Variants in ACAP2 observed in about 807,000 individuals in gnomAD.
ACAP2 encodes ArfGAP with coiled-coil, ankyrin repeat and PH domains 2, also known as arf-GAP with coiled-coil, ANK repeat and PH domain-containing protein 2.
In ACAP2, 39 loss-of-function variants were observed where a neutral mutation model predicts 115.8. The observed-to-expected ratio is 0.34, with a 90% CI of 0.26 to 0.44. The LOEUF (loss-of-function observed/expected upper bound fraction) is 0.44. Among genes scored for constraint, ACAP2 ranks in the 20% least tolerant of loss-of-function variants. The probability of loss-of-function intolerance (pLI) is 1.00; values close to 1 mark genes in which losing one functional copy is unlikely to be tolerated. For missense variants in ACAP2, 662 were observed against 927.6 expected, an observed-to-expected ratio of 0.71 and a Z score of 3.72; for synonymous variants, 289 against 315.8, an observed-to-expected ratio of 0.92 and a Z score of 0.90.
At chr3:195,352,222 C>A (rs1008048336) in intron 4 of ACAP2, among the ~76,000 whole-genome samples, 1 of 152,050 alleles carries the variant, frequency 6.6e-6, no homozygotes, top group African/African-American at 2.4e-5. Context: ...TATAGGTTTG[C>A]AGCGTAAAAG....
intron 1 of ACAP2, among the ~76,000 whole-genome samples, chr3:195,432,784 A>C (rs1347772289): frequency 6.6e-6 from 1 of 152,222 alleles, no homozygotes; most frequent in African/African-American, 2.4e-5. Context: ...GAATATTGCC[A>C]TCTTAACAAT....
chr3:195,330,095 A>G (rs945890018), intron 8 of ACAP2, among the ~76,000 whole-genome samples: 2 of 152,234 alleles, frequency 1.3e-5, no homozygotes, highest in East Asian at 3.9e-4. Context: ...AGTATACGCT[A>G]CTGATTCATT....
At chr3:195,379,228 T>C (rs145613931) in intron 4 of ACAP2, among the ~76,000 whole-genome samples, 169 of 152,222 alleles carry the variant, frequency 1.1e-3, no homozygotes, top group African/African-American at 3.8e-3. Flanking sequence ...GGTAAATCTT[T>C]ATAACCTTGA....
At chr3:195,405,277 AC>A (rs1712659532) in intron 1 of ACAP2, among the ~76,000 whole-genome samples, 1 of 152,164 alleles carries the variant, frequency 6.6e-6, no homozygotes, top group Non-Finnish European at 1.5e-5. Flanking sequence ...GGTTACTGTT[AC>A]CCTTTGCTGA....
chr3:195,361,470 G>A (rs1732368659), intron 4 of ACAP2, among the ~76,000 whole-genome samples: 1 of 150,928 alleles, frequency 6.6e-6, no homozygotes, highest in Non-Finnish European at 1.5e-5. Context: ...AAAATTTATT[G>A]AAGCAAATGA....
intron 4 of ACAP2, among the ~76,000 whole-genome samples, chr3:195,374,584 T>C (rs988338000): frequency 3.9e-5 from 6 of 152,242 alleles, no homozygotes; most frequent in African/African-American, 1.4e-4. Context: ...AATATTCCTC[T>C]GCCTTTTGCT....
Position 195,373,105 on chromosome 3 carries a change from T to C in ACAP2, c.285+7904A>G, listed in dbSNP as rs114067827. ...TAATTTTGCATACTGATAGTGTAGC[T>C]AACAATGACTACAAGATGTAAACTT... is the stretch of plus-strand genomic sequence containing the variant. On this transcript the variant is annotated intron_variant, in intron 4 of 22. Coordinates refer to ENST00000326793, the MANE Select transcript of ACAP2 (RefSeq NM_012287.6). Among the ~76,000 whole-genome samples the C allele has an allele frequency of 4.9e-3, 745 of 151,366 alleles. 9 individuals carry two copies. The highest frequency in any genetic ancestry group is 0.017 in the African/African-American group (700 of 41,264).
At chr3:195,430,925 T>C (rs1715067647) in intron 1 of ACAP2, among the ~76,000 whole-genome samples, 1 of 152,212 alleles carries the variant, frequency 6.6e-6, no homozygotes. Context: ...AAATTCACCA[T>C]TTAAAAATAT....
intron 1 of ACAP2, among the ~76,000 whole-genome samples, chr3:195,402,566 T>C (rs1212494275): frequency 6.6e-6 from 1 of 152,212 alleles, no homozygotes; most frequent in Admixed American, 6.5e-5. Flanking sequence ...GGAAAATTTT[T>C]ATAATACTCT....
At chr3:195,299,789 G>A (rs1452671204) in intron 15 of ACAP2, among the ~76,000 whole-genome samples, 1 of 152,120 alleles carries the variant, frequency 6.6e-6, no homozygotes, top group Admixed American at 6.6e-5. Flanking sequence ...AGTGAGTCAA[G>A]ATCGCGCCAC....
At chr3:195,429,472 A>G (rs531440884) in intron 1 of ACAP2, among the ~76,000 whole-genome samples, 1 of 152,246 alleles carries the variant, frequency 6.6e-6, no homozygotes, top group South Asian at 2.1e-4. Flanking sequence ...AAACGCTGAG[A>G]ATAATAATTG....
chr3:195,293,958 C>T (rs1727443865), intron 18 of ACAP2, among the ~76,000 whole-genome samples: 1 of 151,274 alleles, frequency 6.6e-6, no homozygotes, highest in Non-Finnish European at 1.5e-5. Flanking sequence ...ATGGTGAAAC[C>T]CCACCTCTAC....
At chr3:195,295,426 C>A in intron 17 of ACAP2, 1 of 551,800 alleles carries the variant, frequency 1.8e-6, no homozygotes, top group Non-Finnish European at 3.0e-6. Flanking sequence ...TAATCAGATA[C>A]TTAGGGCTTT....
At chr3:195,388,278 A>AT (rs952627475) in intron 2 of ACAP2, among the ~76,000 whole-genome samples, 1 of 152,238 alleles carries the variant, frequency 6.6e-6, no homozygotes, top group Non-Finnish European at 1.5e-5. Context: ...CTTGGCTGAG[A>AT]TTTAAAGAGT....
intron 22 of ACAP2, 89 bp downstream of exon 22, chr3:195,285,706 AG>A: frequency 9.1e-7 from 1 of 1,093,882 alleles, no homozygotes; most frequent in Non-Finnish European, 1.3e-6. Flanking sequence ...AGTTTGCTAA[AG>A]AACTATGAAT....
rs867497776 is a variant in ACAP2, at chr3:195,285,826, G to A, written c.2206C>T (p.Arg736Trp). 4.3e-6 allele frequency: 7 copies of A among 1,611,686 alleles called. No individual in the cohort carries two copies. The highest frequency in any genetic ancestry group is 5.9e-6 in the Non-Finnish European group (7 of 1,179,148). The change falls in exon 22 of 23, where the codon CGG becomes TGG. Residue 736 changes from arginine (R) to tryptophan (W), a missense_variant. Physicochemically the swap from Arg to Trp is moderately radical, Grantham distance 101. Coordinates refer to ENST00000326793, the MANE Select transcript of ACAP2 (RefSeq NM_012287.6). ...LRLARMNEEM[R>W]ESEGLYGQPG... The stretch of plus-strand genomic sequence containing the variant: ...TGTCCATAAAGTCCTTCTGATTCCC[G>A]CATCTCTTCATTCATTCTTGCTAAA...
At chr3:195,348,225 G>C (rs1731311201) in intron 4 of ACAP2, among the ~76,000 whole-genome samples, 1 of 151,980 alleles carries the variant, frequency 6.6e-6, no homozygotes, top group Non-Finnish European at 1.5e-5. Context: ...TGAGTATATG[G>C]ATGTCAACTG....
chr3:195,342,110 A>G (rs1730918357), intron 6 of ACAP2, among the ~76,000 whole-genome samples: 1 of 152,216 alleles, frequency 6.6e-6, no homozygotes, highest in African/African-American at 2.4e-5. Flanking sequence ...TCACCATGTG[A>G]CCAAAAACCC....
chr3:195,410,009 T>C (rs1713129433), intron 1 of ACAP2, among the ~76,000 whole-genome samples: 1 of 151,864 alleles, frequency 6.6e-6, no homozygotes, highest in Non-Finnish European at 1.5e-5. Flanking sequence ...GGATTCACAC[T>C]TTCTGATTTC....
Sources: allele counts gnomAD v4.1 joint callset (sites outside exome capture counted in the v4.1 genomes callset), GRCh38; gene constraint gnomAD v4.1.1; transcripts MANE v1.5; gene names NCBI Gene and HGNC (gene_info 2026-07-23, HGNC 2026-07-21).